PGAP1: variants seen among roughly 807,000 people sequenced by gnomAD.
PGAP1 encodes post-GPI attachment to proteins inositol deacylase 1.
PGAP1 carries 76 observed loss-of-function variants against 127.0 expected under a neutral mutation model. The ratio of observed to expected loss-of-function variants is 0.60; its 90% CI spans 0.50 to 0.72. The LOEUF (loss-of-function observed/expected upper bound fraction) is 0.72. Ranked by LOEUF, PGAP1 falls within the 30% of genes least tolerant of loss-of-function variation. The probability of loss-of-function intolerance (pLI) is 0.00; values close to 1 mark genes in which losing one functional copy is unlikely to be tolerated. For missense variants in PGAP1, 982 were observed against 1,071.3 expected, an observed-to-expected ratio of 0.92 and a Z score of 1.16; for synonymous variants, 362 against 366.5, an observed-to-expected ratio of 0.99 and a Z score of 0.14.
At chr2:196,890,954 G>A in intron 9 of PGAP1, 43 bp from the exon 10 acceptor site, 1 of 981,492 alleles carries the variant, frequency 1.0e-6, no homozygotes, top group Non-Finnish European at 1.6e-6. Context: ...GTAATGAGCA[G>A]ATTAGTTTCA....
Position 196,893,264 on chromosome 2 carries a change from C to T in PGAP1, c.928-19G>A, listed in dbSNP as rs374113484. On this transcript the variant is annotated intron_variant, in intron 7 of 26. Coordinates refer to ENST00000354764, the MANE Select transcript of PGAP1 (RefSeq NM_024989.4). ...GAGTTATCTAGAAAGAACATTGATA[C>T]ATTCTGTATCATTTTGTATCTATTG... 13 of 1,281,878 alleles carry T rather than the reference C, an allele frequency of 1.0e-5. No homozygotes were observed. In the Middle Eastern group the frequency reaches 1.3e-3, roughly 129 times the overall value. The allele number at this position is 1,281,878 out of a possible 1,614,324, so 79.4% of individuals were successfully genotyped here.
chr2:196,896,376 G>A (rs1164714681), intron 7 of PGAP1, among the ~76,000 whole-genome samples: 1 of 152,158 alleles, frequency 6.6e-6, no homozygotes, highest in Non-Finnish European at 1.5e-5. Context: ...AATAAACTCA[G>A]GAGGCTGAGG....
Position 196,838,164 on chromosome 2 carries a change from A to G in PGAP1, c.*3070T>C, listed in dbSNP as rs1392998296. ...GTTCCCAGTGTTTTCCTCTGTACAG[A>G]CTATATTTGATCTGGTTATCAACAA... On this transcript the variant is annotated 3_prime_UTR_variant, in exon 27 of 27. Coordinates refer to ENST00000354764, the MANE Select transcript of PGAP1 (RefSeq NM_024989.4). The G allele has an allele frequency of 1.3e-5, 2 of 152,200 alleles. No homozygotes were observed. Among genetic ancestry groups the G allele is most frequent in the Non-Finnish European group, 1.5e-5 (1 of 68,030 alleles). The allele number at this position is 152,200 out of a possible 1,614,324, so 9.4% of individuals were successfully genotyped here.
At chr2:196,902,942 T>C (rs1174121192) in intron 4 of PGAP1, among the ~76,000 whole-genome samples, 200 bp from the exon 5 acceptor site, 1 of 152,086 alleles carries the variant, frequency 6.6e-6, no homozygotes, top group Non-Finnish European at 1.5e-5. Context: ...TAAATAAAAG[T>C]ATAAATACTA....
intron 10 of PGAP1, among the ~76,000 whole-genome samples, chr2:196,888,443 T>C (rs1340208658): frequency 1.3e-5 from 2 of 152,174 alleles, no homozygotes; most frequent in African/African-American, 4.8e-5. Context: ...TTATAAAACA[T>C]TCTTACTATA....
chr2:196,911,672 T>C (rs1702824942), intron 4 of PGAP1, among the ~76,000 whole-genome samples: 1 of 139,846 alleles, frequency 7.2e-6, no homozygotes, highest in South Asian at 2.2e-4. Context: ...TAAGAAGCTA[T>C]ATACATTTAC....
chr2:196,873,584 T>C lies in PGAP1; in HGVS notation c.1501-5A>G, dbSNP rs775661702. ...GATTTTAAAAGCTTGGTATATCTAA[T>C]AGAGTTTGACCACAAAAACAAAATA... On this transcript the variant is annotated splice_polypyrimidine_tract_variant and splice_region_variant and intron_variant, in intron 15 of 26. Transcript: ENST00000354764. 5 of 1,610,908 alleles carry C rather than the reference T, an allele frequency of 3.1e-6. No individual in the cohort carries two copies. The highest frequency in any genetic ancestry group is 1.7e-5 in the Admixed American group (1 of 59,852).
At chr2:196,913,175 C>G (rs1270548415) in intron 3 of PGAP1, 122 bp from the exon 4 acceptor site, 11 of 825,352 alleles carry the variant, frequency 1.3e-5, no homozygotes, top group African/African-American at 3.5e-5. Context: ...TATATAACCT[C>G]CCATCATAAG....
chr2:196,879,095 T>C (rs374615892), intron 13 of PGAP1, among the ~76,000 whole-genome samples: 1 of 152,214 alleles, frequency 6.6e-6, no homozygotes, highest in East Asian at 1.9e-4. Context: ...TGGGGTCTCA[T>C]TATGTTGACC....
At chr2:196,864,948 T>C (rs777332578) in intron 20 of PGAP1, 39 bp downstream of exon 20, 2 of 1,174,208 alleles carry the variant, frequency 1.7e-6, no homozygotes, top group Admixed American at 2.7e-5. Context: ...ACTTTAATAT[T>C]CATAACAAAA....
chr2:196,869,211 T>A (rs1576125715), intron 19 of PGAP1, among the ~76,000 whole-genome samples: 1 of 152,194 alleles, frequency 6.6e-6, no homozygotes, highest in Admixed American at 6.5e-5. Flanking sequence ...AACTGAATTA[T>A]GAGACACAGG....
rs139107571 is a variant in PGAP1, at chr2:196,841,356, T to C, written c.2647A>G (p.Thr883Ala). The C allele has an allele frequency of 4.3e-4, 687 of 1,613,268 alleles. 3 individuals are homozygous for C. The highest frequency in any genetic ancestry group is 1.0e-3 in the Admixed American group (62 of 59,958). ...GCCAGAGGAAGTGGAAATTGTGAAGTAGTCTTCAACAATTTACTGTAAAGA... is the reference window on the plus strand; with the variant it reads ...GCCAGAGGAAGTGGAAATTGTGAAGCAGTCTTCAACAATTTACTGTAAAGA... Reference protein sequence around the residue: ...SIKSSKLLKTTSQFPLPLAVG... With the variant: ...SIKSSKLLKTASQFPLPLAVG... The change falls in exon 27 of 27, where the codon ACT (threonine) becomes GCT (alanine). Residue 883 changes from threonine (T) to alanine (A), a missense_variant. Transcript: ENST00000354764.
chr2:196,902,816 T>C, intron 4 of PGAP1, 74 bp from the exon 5 acceptor site: 6 of 1,072,754 alleles, frequency 5.6e-6, no homozygotes, highest in South Asian at 1.8e-5. Context: ...TATACAGTAA[T>C]ATTAATATGT....
intron 10 of PGAP1, among the ~76,000 whole-genome samples, chr2:196,887,210 C>A (rs539328701): frequency 6.6e-6 from 1 of 151,984 alleles, no homozygotes; most frequent in East Asian, 1.9e-4. Flanking sequence ...CGGTGAAACC[C>A]CGTCTCTGCT....
chr2:196,854,597 C>T (rs777246875), intron 20 of PGAP1, among the ~76,000 whole-genome samples: 1 of 152,128 alleles, frequency 6.6e-6, no homozygotes, highest in Non-Finnish European at 1.5e-5. Context: ...TCTTAAAATG[C>T]TGCATGTAAC....
chr2:196,905,794 G>A (rs976265717), intron 4 of PGAP1, among the ~76,000 whole-genome samples: 13 of 141,948 alleles, frequency 9.2e-5, no homozygotes, highest in African/African-American at 2.4e-4. Context: ...CCTGGGAAGC[G>A]CAAGGGGTCA....
At position 196,834,246 on chromosome 2, in the gene PGAP1, A is replaced by G. The variant is rs1370213497; in HGVS notation, c.*6988T>C. The G allele has an allele frequency of 2.0e-5, 3 of 152,138 alleles. No homozygotes were observed. Among genetic ancestry groups the G allele is most frequent in the African/African-American group, 7.2e-5 (3 of 41,456 alleles). The allele number at this position is 152,138 out of a possible 1,614,324, so 9.4% of individuals were successfully genotyped here. The stretch of plus-strand genomic sequence containing the variant: ...TAATTTTCTACATCTATGTAGCGTA[A>G]GTCTACTTTAATTCAAAATGAGAAC... On this transcript the variant is annotated 3_prime_UTR_variant, in exon 27 of 27. Coordinates refer to ENST00000354764, the MANE Select transcript of PGAP1 (RefSeq NM_024989.4).
intron 12 of PGAP1, among the ~76,000 whole-genome samples, chr2:196,884,755 C>A (rs1435920629): frequency 1.3e-5 from 2 of 152,130 alleles, no homozygotes; most frequent in South Asian, 2.1e-4. Flanking sequence ...AGACTGAAAA[C>A]TATCAATCCG....
Position 196,846,994 on chromosome 2 carries a change from A to C in PGAP1, c.2150+9T>G, listed in dbSNP as rs1284508275. The C allele has an allele frequency of 1.9e-6, 3 of 1,600,650 alleles. No individual in the cohort carries two copies. The highest frequency in any genetic ancestry group is 2.6e-6 in the Non-Finnish European group (3 of 1,172,376). ...GCAATAAGAAAGCTGTTAATCATTC[A>C]TTCTTTACCTTTTCAAAGCTAGCCA... On this transcript the variant is annotated intron_variant, in intron 22 of 26. Transcript: ENST00000354764.
Sources: gnomAD v4.1 joint callset for allele counts (sites outside exome capture counted in the v4.1 genomes callset) on GRCh38, gnomAD v4.1.1 for gene constraint, MANE v1.5 for transcripts, NCBI Gene and HGNC (gene_info 2026-07-23, HGNC 2026-07-21) for gene names.